The following CCDC18 variants were observed in gnomAD, a reference collection of about 807,000 sequenced individuals.
The protein encoded by CCDC18 is coiled-coil domain containing 18.
A neutral mutation model predicts 196.0 loss-of-function variants in CCDC18; 157 were observed. That is an observed-to-expected ratio of 0.80 (90% CI 0.70 to 0.91). CCDC18 has a LOEUF of 0.91. CCDC18 is among the 40% of genes least tolerant of loss of function. The probability of loss-of-function intolerance (pLI) is 0.00; values close to 1 mark genes in which losing one functional copy is unlikely to be tolerated. For synonymous variants in CCDC18, 482 were observed against 529.2 expected (o/e 0.91, Z 1.22); for missense variants, 1,465 against 1,611.6 (o/e 0.91, Z 1.56).
At position 93,239,751 on chromosome 1, in the gene CCDC18, G is replaced by A. The variant is rs1660518603; in HGVS notation, c.2836G>A (p.Val946Ile). 2 of 1,613,752 alleles carry A rather than the reference G, an allele frequency of 1.2e-6. No individual in the cohort carries two copies. The highest frequency in any genetic ancestry group is 1.7e-6 in the Non-Finnish European group (2 of 1,179,812). Residue 946 changes from valine (V) to isoleucine (I), a missense_variant, in exon 21 of 29, where the codon GTA becomes ATA. Coordinates refer to ENST00000690025, the MANE Select transcript of CCDC18 (RefSeq NM_001378204.1). The stretch of plus-strand genomic sequence containing the variant: ...AACAGAAGCCTTGCAAAAACGGGAA[G>A]TACTTGAGACTGAACTACAAAATGC... ...ELTEALQKRE[V>I]LETELQNAHG...
At chr1:93,215,866 G>A (rs182170507) in intron 12 of CCDC18, among the ~76,000 whole-genome samples, 1 of 152,304 alleles carries the variant, frequency 6.6e-6, no homozygotes. Flanking sequence ...TTCTGAAAAG[G>A]GGATAATGAG....
At chr1:93,255,978 C>A (rs1462488265) in intron 24 of CCDC18, among the ~76,000 whole-genome samples, 1 of 152,162 alleles carries the variant, frequency 6.6e-6, no homozygotes, top group Non-Finnish European at 1.5e-5. Flanking sequence ...CCAATATATT[C>A]TCTGTCTTTG....
At chr1:93,244,475 T>C (rs1661231418) in intron 21 of CCDC18, among the ~76,000 whole-genome samples, 1 of 152,232 alleles carries the variant, frequency 6.6e-6, no homozygotes, top group Non-Finnish European at 1.5e-5. Flanking sequence ...AGACACATGT[T>C]GCATAATTCC....
chr1:93,223,958 A>T (rs1158537560), intron 16 of CCDC18, among the ~76,000 whole-genome samples: 3 of 151,954 alleles, frequency 2.0e-5, no homozygotes, highest in African/African-American at 7.3e-5. Context: ...AGTGGTTTGT[A>T]TACAATGCAA....
At chr1:93,227,135 C>T (rs538320627) in intron 17 of CCDC18, among the ~76,000 whole-genome samples, 35 of 139,580 alleles carry the variant, frequency 2.5e-4, no homozygotes, top group African/African-American at 9.2e-4. Context: ...AGAATTTCAA[C>T]TTTTTTAAGA....
chr1:93,195,495 C>T (rs574509358), intron 6 of CCDC18, among the ~76,000 whole-genome samples: 248 of 152,264 alleles, frequency 1.6e-3, no homozygotes, highest in Non-Finnish European at 3.0e-3. Flanking sequence ...TGACTTTCTG[C>T]TATGGTTTGA....
chr1:93,263,536 T>C (rs1355575022), intron 26 of CCDC18, among the ~76,000 whole-genome samples: 1 of 152,192 alleles, frequency 6.6e-6, no homozygotes. Context: ...CTGGTCTCTT[T>C]GCTAAAACAT....
intron 6 of CCDC18, among the ~76,000 whole-genome samples, chr1:93,195,217 C>T (rs1274165581): frequency 6.6e-6 from 1 of 152,178 alleles, no homozygotes; most frequent in Admixed American, 6.5e-5. Context: ...GGGACAGACA[C>T]ATTCTGGGCA....
chr1:93,232,408 T>G lies in CCDC18; in HGVS notation c.2293-18T>G. On this transcript the variant is annotated intron_variant, in intron 17 of 28. Coordinates refer to ENST00000690025, the MANE Select transcript of CCDC18 (RefSeq NM_001378204.1). ...AAACATTGCATTGTATTGAGAGATA[T>G]ATATATATATTTGCCAGGTATATTG... The G allele has an allele frequency of 1.4e-6, 2 of 1,414,360 alleles. No homozygotes were observed. The highest frequency in any genetic ancestry group is 2.9e-5 in the African/African-American group (2 of 69,556). The allele number at this position is 1,414,360 out of a possible 1,614,324, so 87.6% of individuals were successfully genotyped here. A position where few individuals can be genotyped will look rare whatever the true frequency, so the allele number is the denominator to read the frequency against.
At chr1:93,180,541 C>G (rs755109802), upstream of CCDC18, 1 of 1,503,004 alleles carries the variant, frequency 6.7e-7, no homozygotes, top group Non-Finnish European at 9.0e-7. Flanking sequence ...ATGGCTTCCC[C>G]CACCAATGGG....
intron 28 of CCDC18, among the ~76,000 whole-genome samples, chr1:93,274,221 GGC>G (rs1665507402): frequency 6.6e-6 from 1 of 151,960 alleles, no homozygotes; most frequent in African/African-American, 2.4e-5. Flanking sequence ...TGGCCAAGAG[GGC>G]AAAACCCCAT....
intron 28 of CCDC18, among the ~76,000 whole-genome samples, chr1:93,276,449 T>C (rs1486976145): frequency 1.3e-5 from 2 of 152,244 alleles, no homozygotes; most frequent in African/African-American, 4.8e-5. Flanking sequence ...ACTGATTAAT[T>C]AGCTAATTCA....
intron 12 of CCDC18, among the ~76,000 whole-genome samples, chr1:93,215,609 A>C (rs2102074946): frequency 6.6e-6 from 1 of 151,938 alleles, no homozygotes; most frequent in Admixed American, 6.6e-5. Flanking sequence ...GGCATGTGTC[A>C]CTATGTCCAG....
intron 21 of CCDC18, 122 bp downstream of exon 21, chr1:93,240,018 C>T (rs1660559282): frequency 1.4e-6 from 1 of 696,530 alleles, no homozygotes; most frequent in Admixed American, 2.9e-5. Flanking sequence ...TGGCTCATCC[C>T]AGCCAGCCTA....
chr1:93,232,009 G>A (rs1389991687), intron 17 of CCDC18, among the ~76,000 whole-genome samples: 1 of 152,168 alleles, frequency 6.6e-6, no homozygotes. Flanking sequence ...GCAGTAAAAT[G>A]TGGCAATATC....
rs759892899 is a variant in CCDC18, at chr1:93,239,849, A to G, written c.2934A>G (p.Ser978=). ...LRDVLQKAQL[S]LEEKYTTIKD... is the part of the protein sequence containing the mutation. ...ATGTACTACAGAAGGCTCAATTATC[A>G]TTAGAGGAAAAATACACTACTATAA... Residue 978 remains serine, a synonymous_variant, in exon 21 of 29, where the codon TCA becomes TCG. Coordinates refer to ENST00000690025, the MANE Select transcript of CCDC18 (RefSeq NM_001378204.1). 2.0e-5 allele frequency: 32 copies of G among 1,613,010 alleles called. No individual in the cohort carries two copies. The South Asian group carries it at 3.5e-4, about 18-fold the overall frequency.
chr1:93,202,974 A>G (rs1654093977), intron 7 of CCDC18, among the ~76,000 whole-genome samples: 1 of 152,234 alleles, frequency 6.6e-6, no homozygotes, highest in African/African-American at 2.4e-5. Context: ...AGGCTATCTC[A>G]AAGATTGTGA....
chr1:93,264,660 T>C (rs768817250), intron 26 of CCDC18, 41 bp from the exon 27 acceptor site: 8 of 1,244,740 alleles, frequency 6.4e-6, no homozygotes, highest in Non-Finnish European at 8.0e-6. Context: ...TTTCCTTCCA[T>C]TTTTTTATTT....
intron 1 of CCDC18, among the ~76,000 whole-genome samples, 193 bp from the exon 2 acceptor site, chr1:93,183,167 T>C: frequency 6.6e-6 from 1 of 152,300 alleles, no homozygotes; most frequent in Middle Eastern, 3.4e-3. Context: ...GAAATTGTAT[T>C]GAATTCCTTT....
Sources: allele counts gnomAD v4.1 joint callset (sites outside exome capture counted in the v4.1 genomes callset), GRCh38; gene constraint gnomAD v4.1.1; transcripts MANE v1.5; gene names NCBI Gene and HGNC (gene_info 2026-07-23, HGNC 2026-07-21).